Variants in PDE12 observed in about 807,000 individuals in gnomAD.
PDE12 encodes 2',5'-phosphodiesterase 12.
PDE12 carries 26 observed loss-of-function variants against 45.4 expected under a neutral mutation model. That is an observed-to-expected ratio of 0.57 (90% CI 0.42 to 0.79). The LOEUF is 0.79. PDE12 is among the 30% of genes least tolerant of loss of function. PDE12 has a pLI of 0.00. For synonymous variants in PDE12, 283 were observed against 323.9 expected (o/e 0.87, Z 1.36); for missense variants, 668 against 790.0 (o/e 0.85, Z 1.85).
chr3:57,574,646 A>G, the PDE12 span, among the ~76,000 whole-genome samples: 1 of 151,970 alleles, frequency 6.6e-6, no homozygotes, highest in Non-Finnish European at 1.5e-5. Context: ...GCCTCAAGCA[A>G]TCCTCCTGCC....
intron 1 of PDE12, among the ~76,000 whole-genome samples, chr3:57,558,078 A>T (rs1274782540): frequency 6.6e-6 from 1 of 152,118 alleles, no homozygotes; most frequent in Admixed American, 6.5e-5. Context: ...CATAAATATA[A>T]ACTAGTTTTT....
chr3:57,632,573 A>G, the PDE12 span, among the ~76,000 whole-genome samples: 1 of 152,152 alleles, frequency 6.6e-6, no homozygotes. Flanking sequence ...AAGAAATAAT[A>G]TTTCTTTCTA....
At chr3:57,620,241 TTTA>T in the PDE12 span, among the ~76,000 whole-genome samples, 1 of 151,126 alleles carries the variant, frequency 6.6e-6, no homozygotes, top group Non-Finnish European at 1.5e-5. Flanking sequence ...GAAAGAAAAA[TTTA>T]ATGCTTTTAA....
the PDE12 span, among the ~76,000 whole-genome samples, chr3:57,580,941 A>G: frequency 2.0e-5 from 3 of 152,132 alleles, no homozygotes; most frequent in Non-Finnish European, 4.4e-5. Flanking sequence ...TAATGCTATC[A>G]GTCCCAAAGT....
chr3:57,582,019 G>A, the PDE12 span, among the ~76,000 whole-genome samples: 1 of 152,062 alleles, frequency 6.6e-6, no homozygotes, highest in East Asian at 1.9e-4. Flanking sequence ...GGAGTATATC[G>A]GATTTTGGAT....
chr3:57,638,940 A>C, the PDE12 span, among the ~76,000 whole-genome samples: 1,730 of 152,046 alleles, frequency 0.011, 65 homozygotes, highest in East Asian at 0.13. Context: ...CTACAGAAAA[A>C]ATAAAAAATT....
chr3:57,574,694 G>A, the PDE12 span, among the ~76,000 whole-genome samples: 2 of 151,944 alleles, frequency 1.3e-5, no homozygotes, highest in South Asian at 2.1e-4. Context: ...GGTGTGAGCC[G>A]TGGTACCTGG....
chr3:57,630,291 T>A, the PDE12 span: 1 of 739,226 alleles, frequency 1.4e-6, no homozygotes, highest in Non-Finnish European at 2.1e-6. Flanking sequence ...ACATAGCACA[T>A]GATCTAGAAA....
chr3:57,572,131 A>G, the PDE12 span: 1 of 1,104,504 alleles, frequency 9.1e-7, no homozygotes, highest in Non-Finnish European at 1.4e-6. Context: ...CTGTTTAATA[A>G]CCAAGATACA....
chr3:57,654,247 G>T, the PDE12 span, among the ~76,000 whole-genome samples: 1 of 151,916 alleles, frequency 6.6e-6, no homozygotes, highest in African/African-American at 2.4e-5. Context: ...GAGCCACCGT[G>T]CCCAGCCAGA....
At chr3:57,614,490 C>T in the PDE12 span, among the ~76,000 whole-genome samples, 2 of 151,224 alleles carry the variant, frequency 1.3e-5, no homozygotes, top group Non-Finnish European at 2.9e-5. Flanking sequence ...AAAAAAGACA[C>T]CTGCCGGACA....
the PDE12 span, among the ~76,000 whole-genome samples, chr3:57,593,795 C>T: frequency 6.6e-6 from 1 of 152,080 alleles, no homozygotes; most frequent in African/African-American, 2.4e-5. Flanking sequence ...TAGCACTTTT[C>T]GAGGCCGAGG....
At chr3:57,597,266 G>A in the PDE12 span, 1 of 914,078 alleles carries the variant, frequency 1.1e-6, no homozygotes, top group Non-Finnish European at 1.7e-6. Context: ...GAAAGAGGGA[G>A]GCAGAAACGT....
rs1243417207 is a variant in PDE12, at chr3:57,565,273, GC to G, written c.*5271del. The G allele has an allele frequency of 6.6e-6, 1 of 152,088 alleles. No individual in the cohort carries two copies. Among genetic ancestry groups the G allele is most frequent in the Non-Finnish European group, 1.5e-5 (1 of 68,038 alleles). 9.4% of individuals were successfully genotyped at this position (152,088 alleles called of 1,614,324 possible). A position where few individuals can be genotyped will look rare whatever the true frequency, so the allele number is the denominator to read the frequency against. On this transcript the variant is annotated 3_prime_UTR_variant, in exon 3 of 3. Coordinates refer to ENST00000311180, the MANE Select transcript of PDE12 (RefSeq NM_177966.7). ...CAAAGTACTGGGATTATAGGTGTGAGCCAGCACACATAGCCCTTTTTTTAAA... is the reference window on the plus strand; with the variant it reads ...CAAAGTACTGGGATTATAGGTGTGAGCAGCACACATAGCCCTTTTTTTAAA...
At chr3:57,648,146 A>G in the PDE12 span, among the ~76,000 whole-genome samples, 1 of 152,222 alleles carries the variant, frequency 6.6e-6, no homozygotes, top group South Asian at 2.1e-4. Flanking sequence ...AGAACTGGTA[A>G]ATGAATTCAG....
At position 57,557,601 on chromosome 3, in the gene PDE12, G is replaced by C. The variant is rs772391147; in HGVS notation, c.1222G>C (p.Asp408His). The C allele has an allele frequency of 6.2e-7, 1 of 1,614,092 alleles. No homozygotes were observed. The highest frequency in any genetic ancestry group is 8.5e-7 in the Non-Finnish European group (1 of 1,180,034). The change falls in exon 1 of 3, where the codon GAC becomes CAC. Residue 408 changes from aspartate to histidine, a missense_variant. Coordinates refer to ENST00000311180, the MANE Select transcript of PDE12 (RefSeq NM_177966.7). Reference protein sequence around the residue: ...DISFYEALESDPLHKELLEKL... With the variant: ...DISFYEALESHPLHKELLEKL... ...TTCATTCTACGAAGCCCTCGAGTCC[G>C]ACCCACTTCACAAAGAACTGCTGGA...
At position 57,557,669 on chromosome 3, in the gene PDE12, G is replaced by A. The variant is rs140975906; in HGVS notation, c.1290G>A (p.Gln430=). 1.2e-6 allele frequency: 2 copies of A among 1,613,694 alleles called. No individual in the cohort carries two copies. The highest frequency in any genetic ancestry group is 1.7e-5 in the Admixed American group (1 of 59,990). ...CATCAGCGCAGGAGAAGGTGCTCCA[G>A]AGATCTTCTGTTCTTCAGGTAAAGT... ...LYPSAQEKVL[Q]RSSVLQVSVL... Residue 430 remains glutamine (Q), a synonymous_variant, in exon 1 of 3, where the codon CAG becomes CAA. Transcript: ENST00000311180.
the PDE12 span, among the ~76,000 whole-genome samples, chr3:57,608,803 C>T: frequency 6.6e-6 from 1 of 152,078 alleles, no homozygotes; most frequent in Non-Finnish European, 1.5e-5. Context: ...CCTTTAACAC[C>T]CCACTGTCAA....
the PDE12 span, among the ~76,000 whole-genome samples, chr3:57,647,577 G>C: frequency 6.6e-6 from 1 of 152,292 alleles, no homozygotes; most frequent in Non-Finnish European, 1.5e-5. Flanking sequence ...AGCACAGACA[G>C]GTAGCCTGAT....
Sources: allele counts gnomAD v4.1 joint callset (sites outside exome capture counted in the v4.1 genomes callset), GRCh38; gene constraint gnomAD v4.1.1; transcripts MANE v1.5; gene names NCBI Gene and HGNC (gene_info 2026-07-23, HGNC 2026-07-21).